The following POFUT4 variants were observed in gnomAD, a reference collection of about 807,000 sequenced individuals.
POFUT4 encodes GDP-fucose protein O-fucosyltransferase 4.
the POFUT4 span, chr10:73,779,376 C>G: frequency 6.6e-5 from 10 of 152,324 alleles, no homozygotes; most frequent in Admixed American, 1.3e-4. Flanking sequence ...CCAGCCTGAC[C>G]AACATGGAGA....
the POFUT4 span, chr10:73,773,245 A>G: frequency 1.1e-5 from 17 of 1,613,516 alleles, no homozygotes; most frequent in East Asian, 2.2e-5. Flanking sequence ...GCGCGGCTAC[A>G]GGACACAGCC....
chr10:73,775,134 ACTTCATTTTGATGCAC>A, the POFUT4 span: 8 of 443,792 alleles, frequency 1.8e-5, no homozygotes, highest in African/African-American at 1.2e-4. Context: ...ACTGGATGCT[ACTTCATTTTGATGCAC>A]CTTCATTTTG....
chr10:73,772,277 A>C, the POFUT4 span: 1 of 1,353,964 alleles, frequency 7.4e-7, no homozygotes, highest in Non-Finnish European at 9.6e-7. Flanking sequence ...TCCGGTCACG[A>C]CTATCCGCTG....
the POFUT4 span, chr10:73,775,263 C>T: frequency 2.9e-6 from 2 of 683,600 alleles, no homozygotes; most frequent in Non-Finnish European, 5.1e-6. Context: ...CTCTGCTTTG[C>T]CTGCCTCTGA....
At chr10:73,774,725 C>T in the POFUT4 span, 1 of 152,746 alleles carries the variant, frequency 6.5e-6, no homozygotes, top group Admixed American at 6.5e-5. Context: ...AAACAATGCA[C>T]AATGCGCATC....
At chr10:73,774,148 C>T in the POFUT4 span, 1 of 233,776 alleles carries the variant, frequency 4.3e-6, no homozygotes, top group African/African-American at 2.3e-5. Context: ...CTATAAATAT[C>T]ATTAATACCA....
the POFUT4 span, among the ~76,000 whole-genome samples, chr10:73,776,714 C>A: frequency 6.6e-6 from 1 of 152,144 alleles, no homozygotes; most frequent in African/African-American, 2.4e-5. Flanking sequence ...TGGAGTCTTG[C>A]TTTGTCACCA....
chr10:73,774,214 T>C, the POFUT4 span: 8 of 167,394 alleles, frequency 4.8e-5, no homozygotes, highest in East Asian at 1.0e-3. Flanking sequence ...GCACCTTTTA[T>C]AGAGTGGAAA....
the POFUT4 span, chr10:73,779,884 T>A: frequency 2.0e-5 from 3 of 152,228 alleles, no homozygotes; most frequent in Non-Finnish European, 4.4e-5. Context: ...CAGGCCTGCT[T>A]TGTGCTTGGT....
chr10:73,773,028 T>C, the POFUT4 span: 2 of 1,576,826 alleles, frequency 1.3e-6, no homozygotes, highest in Admixed American at 1.7e-5. Flanking sequence ...CGCGAGCTCA[T>C]GCGCCACATC....
the POFUT4 span, chr10:73,772,917 C>T: frequency 1.9e-6 from 3 of 1,611,000 alleles, no homozygotes; most frequent in Non-Finnish European, 8.5e-7. Flanking sequence ...CGCCCGGTGC[C>T]TCCGCCCATG....
chr10:73,775,449 C>T, the POFUT4 span: 1 of 1,613,520 alleles, frequency 6.2e-7, no homozygotes, highest in Non-Finnish European at 8.5e-7. Flanking sequence ...ACCACTGTAT[C>T]TGCTTAAGAT....
At chr10:73,773,876 A>G in the POFUT4 span, 7 of 1,498,076 alleles carry the variant, frequency 4.7e-6, no homozygotes, top group Admixed American at 2.2e-5. Context: ...TACTGTGGGC[A>G]ATTAAGTAGC....
chr10:73,772,832 C>T, the POFUT4 span: 3 of 1,612,334 alleles, frequency 1.9e-6, no homozygotes, highest in South Asian at 1.1e-5. Flanking sequence ...CCTCTTCAAT[C>T]TTACCTCCAC....
the POFUT4 span, chr10:73,775,417 A>G: frequency 6.2e-7 from 1 of 1,610,414 alleles, no homozygotes; most frequent in Non-Finnish European, 8.5e-7. Context: ...TTCCTTTCAC[A>G]GCAGTCTTGT....
At chr10:73,773,082 G>A in the POFUT4 span, 1 of 1,537,708 alleles carries the variant, frequency 6.5e-7, no homozygotes, top group Non-Finnish European at 8.7e-7. Flanking sequence ...AGGAGAGGGC[G>A]GGTTGAGGCC....
chr10:73,772,834 T>C, the POFUT4 span: 1 of 1,612,310 alleles, frequency 6.2e-7, no homozygotes, highest in Non-Finnish European at 8.5e-7. Flanking sequence ...TCTTCAATCT[T>C]ACCTCCACCT....
the POFUT4 span, chr10:73,773,903 G>T: frequency 7.1e-7 from 1 of 1,416,414 alleles, no homozygotes; most frequent in Non-Finnish European, 9.4e-7. Flanking sequence ...TGCTGAGCAG[G>T]TGCAGGAGGA....
chr10:73,773,181 C>G, the POFUT4 span: 1 of 1,600,616 alleles, frequency 6.2e-7, no homozygotes, highest in Non-Finnish European at 8.5e-7. Flanking sequence ...CTTACTGTAC[C>G]CGGTCTAGGT....
Sources: allele counts gnomAD v4.1 joint callset (sites outside exome capture counted in the v4.1 genomes callset), GRCh38; gene constraint gnomAD v4.1.1; transcripts MANE v1.5; gene names NCBI Gene and HGNC (gene_info 2026-07-23, HGNC 2026-07-21).